The following FEM1B variants were observed in gnomAD, a reference collection of about 807,000 sequenced individuals.
FEM1B encodes the protein protein fem-1 homolog B.
FEM1B carries 10 observed loss-of-function variants against 38.6 expected under a neutral mutation model. That is an observed-to-expected ratio of 0.26 (90% CI 0.16 to 0.44). The LOEUF (loss-of-function observed/expected upper bound fraction) is 0.44, where lower values mean the gene tolerates loss of function less well. FEM1B is among the 20% of genes least tolerant of loss of function. The pLI is 1.00. For synonymous variants in FEM1B, 288 were observed against 288.0 expected (o/e 1.00, Z 0.00); for missense variants, 471 against 786.7 (o/e 0.60, Z 4.80).
rs1402959419 is a variant in FEM1B, at chr15:68,278,887, CTG to C, written c.248+225_248+226del. Reference sequence around the variant, plus strand: ...CATCAGCCCCTACCCCTCATTCCCTCTGTGGGAAGATAACCACACCCTCGGCC... The same window carrying C: ...CATCAGCCCCTACCCCTCATTCCCTCTGGGAAGATAACCACACCCTCGGCC... On this transcript the variant is annotated intron_variant, in intron 1 of 1. Coordinates refer to ENST00000306917, the MANE Select transcript of FEM1B (RefSeq NM_015322.5). This position sits in a 1 kb window ranked among gnomAD's most constrained non-coding sequence, Gnocchi z 5.7. Among the ~76,000 whole-genome samples, 1 of 152,186 alleles carries C rather than the reference CTG, an allele frequency of 6.6e-6. No homozygotes were observed. Among genetic ancestry groups the C allele is most frequent in the Non-Finnish European group, 1.5e-5 (1 of 68,040 alleles).
In FEM1B at chr15:68,290,335, T is replaced by C. The variant is rs1018735734; in HGVS notation, c.977T>C (p.Met326Thr). The change falls in exon 2 of 2, where the codon ATG (methionine) becomes ACG (threonine). Residue 326 changes from methionine to threonine, a missense_variant. Transcript: ENST00000306917. The surrounding 1 kb of genome is among the most constrained non-coding windows in gnomAD (Gnocchi z 9.7). The part of the protein sequence containing the change: ...SIRQDRDALH[M>T]EGLIVRERIL... Reference sequence around the variant, plus strand: ...CGGCAAGACAGAGATGCTCTTCATATGGAAGGCCTTATAGTTCGGGAACGG... The same window carrying C: ...CGGCAAGACAGAGATGCTCTTCATACGGAAGGCCTTATAGTTCGGGAACGG... The C allele has an allele frequency of 6.2e-7, 1 of 1,614,188 alleles. No homozygotes were observed. The highest frequency in any genetic ancestry group is 8.5e-7 in the Non-Finnish European group (1 of 1,180,008).
At chr15:68,279,206 C>T (rs1201973584) in intron 1 of FEM1B, among the ~76,000 whole-genome samples, 2 of 152,186 alleles carry the variant, frequency 1.3e-5, no homozygotes, top group African/African-American at 4.8e-5. Context: ...TGTCACGCAG[C>T]CAGACATCTC....
chr15:68,289,565 T>C lies in FEM1B; in HGVS notation c.249-42T>C. On this transcript the variant is annotated intron_variant, in intron 1 of 1. Transcript: ENST00000306917. The surrounding 1 kb of genome is among the most constrained non-coding windows in gnomAD (Gnocchi z 6.9). ...TACATCCCTTAAACATATGTTAGGC[T>C]GTGGCCTCTGTTATCTAACTGCTTA... is the stretch of plus-strand genomic sequence containing the variant. 1 of 1,465,508 alleles carries C rather than the reference T, an allele frequency of 6.8e-7. No homozygotes were observed. Among genetic ancestry groups the C allele is most frequent in the South Asian group, 1.2e-5 (1 of 85,922 alleles). The allele number at this position is 1,465,508 out of a possible 1,614,324, so 90.8% of individuals were successfully genotyped here. A position where few individuals can be genotyped will look rare whatever the true frequency, so the allele number is the denominator to read the frequency against.
intron 1 of FEM1B, among the ~76,000 whole-genome samples, chr15:68,287,223 A>G (rs1282665762): frequency 6.6e-6 from 1 of 152,232 alleles, no homozygotes; most frequent in Admixed American, 6.5e-5. Context: ...AAATCAATTA[A>G]CAAATGCATT....
At position 68,290,215 on chromosome 15, in the gene FEM1B, A is replaced by G; in HGVS notation, c.857A>G (p.Asp286Gly). ...TTAGCCATGTTAGAGAGGTTCCAAG[A>G]TGGTGATAACATTCTCGAAAAAGAG... ...LYLAMLERFQ[D>G]GDNILEKEVL... The change falls in exon 2 of 2, where the codon GAT becomes GGT. Residue 286 changes from aspartate (D) to glycine (G), a missense_variant. By Grantham distance (94) the Asp-to-Gly change is moderately conservative. This residue lies in a region of FEM1B where 380 missense variants were observed against 599.6 expected (regional missense o/e 0.63). Transcript: ENST00000306917. This position sits in a 1 kb window ranked among gnomAD's most constrained non-coding sequence, Gnocchi z 9.7. 6.2e-7 allele frequency: 1 copy of G among 1,614,118 alleles called. No individual in the cohort carries two copies. The highest frequency in any genetic ancestry group is 8.5e-7 in the Non-Finnish European group (1 of 1,180,018).
chr15:68,278,554 G>A lies in FEM1B; in HGVS notation c.137G>A (p.Arg46His). The change falls in exon 1 of 2, where the codon CGC (arginine) becomes CAC (histidine). Residue 46 changes from arginine (R) to histidine (H), a missense_variant. Arg to His is a conservative substitution (Grantham distance 29). Around this residue, in one of 3 missense-constraint regions of FEM1B, gnomAD observed 91 missense variants for 169.6 expected, o/e 0.54. Coordinates refer to ENST00000306917, the MANE Select transcript of FEM1B (RefSeq NM_015322.5). This position sits in a 1 kb window ranked among gnomAD's most constrained non-coding sequence, Gnocchi z 5.7. ...TATGTCAGCCAGCAGGGAGGGCAGC[G>A]CTCCACGCCCCTCATCATCGCAGCC... is the stretch of plus-strand genomic sequence containing the variant. ...LGYVSQQGGQ[R>H]STPLIIAARN... The A allele has an allele frequency of 6.2e-7, 1 of 1,614,122 alleles. No homozygotes were observed. Among genetic ancestry groups the A allele is most frequent in the East Asian group, 2.2e-5 (1 of 44,870 alleles).
At position 68,294,259 on chromosome 15, in the gene FEM1B, C is replaced by T. The variant is rs1173467815; in HGVS notation, c.*3017C>T. ...GCTCTAGTAGCCCACAGCCCAATCACGTTAAGGTTCTTTGCTGTGGGAATT... is the reference window on the plus strand; with the variant it reads ...GCTCTAGTAGCCCACAGCCCAATCATGTTAAGGTTCTTTGCTGTGGGAATT... On this transcript the variant is annotated 3_prime_UTR_variant, in exon 2 of 2. Coordinates refer to ENST00000306917, the MANE Select transcript of FEM1B (RefSeq NM_015322.5). This position sits in a 1 kb window ranked among gnomAD's most constrained non-coding sequence, Gnocchi z 4.4. 1 of 152,138 alleles carries T rather than the reference C, an allele frequency of 6.6e-6. No individual in the cohort carries two copies. Among genetic ancestry groups the T allele is most frequent in the Non-Finnish European group, 1.5e-5 (1 of 68,022 alleles). The allele number at this position is 152,138 out of a possible 1,614,324, so 9.4% of individuals were successfully genotyped here.
chr15:68,278,196 C>T lies in FEM1B; in HGVS notation c.-222C>T, dbSNP rs145530056. ...GCGGGCGGCCCTGACCGCCTTCCTC[C>T]CTGCGCGGGCTGGGTCGCGGACGTG... On this transcript the variant is annotated 5_prime_UTR_variant, in exon 1 of 2. Coordinates refer to ENST00000306917, the MANE Select transcript of FEM1B (RefSeq NM_015322.5). This position sits in a 1 kb window ranked among gnomAD's most constrained non-coding sequence, Gnocchi z 5.7. The T allele has an allele frequency of 2.1e-3, 1,176 of 571,806 alleles. 6 individuals are homozygous for T. Among genetic ancestry groups the T allele is most frequent in the Middle Eastern group, 0.011 (22 of 2,066 alleles). 35.4% of individuals were successfully genotyped at this position (571,806 alleles called of 1,614,324 possible). A position where few individuals can be genotyped will look rare whatever the true frequency, so the allele number is the denominator to read the frequency against.
rs987485686 is a variant in FEM1B, at chr15:68,281,050, A to T, written c.248+2385A>T. On this transcript the variant is annotated intron_variant, in intron 1 of 1. Coordinates refer to ENST00000306917, the MANE Select transcript of FEM1B (RefSeq NM_015322.5). The surrounding 1 kb of genome is among the most constrained non-coding windows in gnomAD (Gnocchi z 5.1). Reference sequence around the variant, plus strand: ...CACACCTTCTGTGAGATTATTTTGCAGTTTATCCCAGTCATTTTAGGATTT... The same window carrying T: ...CACACCTTCTGTGAGATTATTTTGCTGTTTATCCCAGTCATTTTAGGATTT... Among the ~76,000 whole-genome samples the T allele has an allele frequency of 1.3e-5, 2 of 152,234 alleles. No individual in the cohort carries two copies. The highest frequency in any genetic ancestry group is 4.8e-5 in the African/African-American group (2 of 41,462).
At chr15:68,282,589 C>G (rs1395915289) in intron 1 of FEM1B, among the ~76,000 whole-genome samples, 3 of 152,052 alleles carry the variant, frequency 2.0e-5, no homozygotes, top group African/African-American at 7.2e-5. Context: ...CTGATGGATA[C>G]TATTTGTTTG....
chr15:68,295,133 C>T lies in FEM1B; in HGVS notation c.*3891C>T, dbSNP rs1892890793. ...TTTAAAACTGTAAAGTAAATGTGGTCTCTAGGTTTGTGGTGTGTACCTTTG... is the reference window on the plus strand; with the variant it reads ...TTTAAAACTGTAAAGTAAATGTGGTTTCTAGGTTTGTGGTGTGTACCTTTG... On this transcript the variant is annotated 3_prime_UTR_variant, in exon 2 of 2. Coordinates refer to ENST00000306917, the MANE Select transcript of FEM1B (RefSeq NM_015322.5). 6.6e-6 allele frequency: 1 copy of T among 152,118 alleles called. No homozygotes were observed. The highest frequency in any genetic ancestry group is 2.1e-4 in the South Asian group (1 of 4,822). 9.4% of individuals were successfully genotyped at this position (152,118 alleles called of 1,614,324 possible). A position where few individuals can be genotyped will look rare whatever the true frequency, so the allele number is the denominator to read the frequency against.
chr15:68,291,258 A>C lies in FEM1B; in HGVS notation c.*16A>C. 6.4e-7 allele frequency: 1 copy of C among 1,552,394 alleles called. No homozygotes were observed. Among genetic ancestry groups the C allele is most frequent in the East Asian group, 2.2e-5 (1 of 44,460 alleles). ...ATTTCATTAAGTGACTGGATATGTA[A>C]AGTCGTTTAATGTGGTGCTAAAAAG... On this transcript the variant is annotated 3_prime_UTR_variant, in exon 2 of 2. Transcript: ENST00000306917. The surrounding 1 kb of genome is among the most constrained non-coding windows in gnomAD (Gnocchi z 6.9).
intron 1 of FEM1B, among the ~76,000 whole-genome samples, chr15:68,287,833 T>C (rs1002045007): frequency 1.4e-5 from 2 of 145,580 alleles, no homozygotes; most frequent in African/African-American, 5.2e-5. Flanking sequence ...AACGTCTCTT[T>C]TTTTTTTTTT....
chr15:68,285,610 C>G (rs1425354689), intron 1 of FEM1B, among the ~76,000 whole-genome samples: 1 of 151,770 alleles, frequency 6.6e-6, no homozygotes, highest in African/African-American at 2.4e-5. Context: ...TTTGCATTTC[C>G]CTGTTAACTA....
At position 68,295,164 on chromosome 15, in the gene FEM1B, A is replaced by C. The variant is rs1489882381; in HGVS notation, c.*3922A>C. The C allele has an allele frequency of 2.0e-5, 3 of 152,186 alleles. No homozygotes were observed. Among genetic ancestry groups the C allele is most frequent in the Non-Finnish European group, 4.4e-5 (3 of 68,020 alleles). 9.4% of individuals were successfully genotyped at this position (152,186 alleles called of 1,614,324 possible). On this transcript the variant is annotated 3_prime_UTR_variant, in exon 2 of 2. Coordinates refer to ENST00000306917, the MANE Select transcript of FEM1B (RefSeq NM_015322.5). Reference sequence around the variant, plus strand: ...GTTTGTGGTGTGTACCTTTGTGTTAATGTGTAGGGAAGAGACAGTGACTTG... The same window carrying C: ...GTTTGTGGTGTGTACCTTTGTGTTACTGTGTAGGGAAGAGACAGTGACTTG...
At chr15:68,283,653 A>G (rs1892752700) in intron 1 of FEM1B, among the ~76,000 whole-genome samples, 1 of 152,122 alleles carries the variant, frequency 6.6e-6, no homozygotes, top group South Asian at 2.1e-4. Flanking sequence ...AGCCGGTACA[A>G]CAGAGCAAGA....
At chr15:68,283,830 G>T (rs188804247) in intron 1 of FEM1B, among the ~76,000 whole-genome samples, 76 of 150,158 alleles carry the variant, frequency 5.1e-4, no homozygotes, top group Non-Finnish European at 8.9e-4. Flanking sequence ...GTTTCCTTAC[G>T]TTTGATGCAT....
In FEM1B at chr15:68,288,849, A is replaced by G. The variant is rs926399104; in HGVS notation, c.249-758A>G. On this transcript the variant is annotated intron_variant, in intron 1 of 1. Transcript: ENST00000306917. This position sits in a 1 kb window ranked among gnomAD's most constrained non-coding sequence, Gnocchi z 4.6. ...ACTTAGAGAAAAATGCACTAATTATAAATATATAAAAATTTCACAAAGTGA... is the reference window on the plus strand; with the variant it reads ...ACTTAGAGAAAAATGCACTAATTATGAATATATAAAAATTTCACAAAGTGA... Among the ~76,000 whole-genome samples, 26 of 152,202 alleles carry G rather than the reference A, an allele frequency of 1.7e-4. No homozygotes were observed. The highest frequency in any genetic ancestry group is 1.5e-5 in the Non-Finnish European group (1 of 68,044).
At position 68,295,349 on chromosome 15, in the gene FEM1B, T is replaced by TATC. The variant is rs1338414366; in HGVS notation, c.*4108_*4110dup. 3 of 152,234 alleles carry TATC rather than the reference T, an allele frequency of 2.0e-5. No homozygotes were observed. The highest frequency in any genetic ancestry group is 7.2e-5 in the African/African-American group (3 of 41,452). 9.4% of individuals were successfully genotyped at this position (152,234 alleles called of 1,614,324 possible). ...AAATGATGAAATGAACAAGATTTTG[T>TATC]ATCTATTTTTTATCAGGTGTTGTAA... On this transcript the variant is annotated 3_prime_UTR_variant, in exon 2 of 2. Transcript: ENST00000306917.
Sources: gnomAD v4.1 joint callset for allele counts (sites outside exome capture counted in the v4.1 genomes callset) on GRCh38, gnomAD v4.1.1 for gene constraint, gnomAD v4.1.1 regional missense constraint, Gnocchi (gnomAD v3.1) non-coding constraint, MANE v1.5 for transcripts, NCBI Gene and HGNC (gene_info 2026-07-23, HGNC 2026-07-21) for gene names.